RSRC1: variants seen among roughly 807,000 people sequenced by gnomAD.
RSRC1 encodes the protein serine/Arginine-related protein 53.
Under a neutral mutation model 49.1 loss-of-function variants are expected in RSRC1, and 39 were observed. The observed-to-expected ratio is 0.79, with a 90% confidence interval of 0.61 to 1.04. The LOEUF (loss-of-function observed/expected upper bound fraction) is 1.04, where lower values mean the gene tolerates loss of function less well. Ranked by LOEUF, RSRC1 falls within the 50% of genes least tolerant of loss-of-function variation. The pLI is 0.00. For synonymous variants in RSRC1, 143 were observed against 130.8 expected, an observed-to-expected ratio of 1.09 and a Z score of -0.63; for missense variants, 388 against 402.4, an observed-to-expected ratio of 0.96 and a Z score of 0.31.
At chr3:158,449,433 T>C (rs1027022585) in intron 6 of RSRC1, among the ~76,000 whole-genome samples, 2 of 151,916 alleles carry the variant, frequency 1.3e-5, no homozygotes, top group Non-Finnish European at 2.9e-5. Context: ...GTTAAATAAT[T>C]CTCTTTACTG....
intron 7 of RSRC1, among the ~76,000 whole-genome samples, chr3:158,511,451 C>T (rs1560070248): frequency 6.6e-6 from 1 of 152,158 alleles, no homozygotes; most frequent in Non-Finnish European, 1.5e-5. Flanking sequence ...AGGACATGAA[C>T]TCATCATTTT....
At chr3:158,294,350 A>G (rs1349616463) in intron 4 of RSRC1, among the ~76,000 whole-genome samples, 2 of 151,988 alleles carry the variant, frequency 1.3e-5, no homozygotes, top group Non-Finnish European at 2.9e-5. Context: ...AATACCCACT[A>G]TCATATATTG....
intron 6 of RSRC1, among the ~76,000 whole-genome samples, chr3:158,401,369 C>T (rs1733886257): frequency 6.6e-6 from 1 of 151,954 alleles, no homozygotes; most frequent in Admixed American, 6.6e-5. Context: ...TCTGTTTTTC[C>T]AGGCTAGCAT....
chr3:158,178,295 C>T (rs116054347), intron 3 of RSRC1, among the ~76,000 whole-genome samples: 160 of 152,080 alleles, frequency 1.1e-3, no homozygotes, highest in African/African-American at 3.4e-3. Flanking sequence ...CATGCCACCA[C>T]GCCCAGCAAA....
intron 6 of RSRC1, among the ~76,000 whole-genome samples, chr3:158,390,681 G>A (rs995188459): frequency 5.3e-5 from 8 of 152,114 alleles, no homozygotes; most frequent in Non-Finnish European, 1.0e-4. Context: ...AGGAAGTAGG[G>A]AGGTTAATTA....
Position 158,228,575 on chromosome 3 carries a change from G to C in RSRC1, c.494+25330G>C, listed in dbSNP as rs1722653707. On this transcript the variant is annotated intron_variant, in intron 4 of 9. Coordinates refer to ENST00000611884, the MANE Select transcript of RSRC1 (RefSeq NM_001271838.2). ...ATACCTGAATTCGACTATCATTATT[G>C]ATAAAATTCCTTAAAAAAAATTGAG... Among the ~76,000 whole-genome samples, 4 of 151,672 alleles carry C rather than the reference G, an allele frequency of 2.6e-5. No homozygotes were observed. In the South Asian group the frequency reaches 8.3e-4, roughly 32 times the overall value.
At chr3:158,402,683 T>C (rs752286289) in intron 6 of RSRC1, among the ~76,000 whole-genome samples, 1 of 151,852 alleles carries the variant, frequency 6.6e-6, no homozygotes, top group Non-Finnish European at 1.5e-5. Context: ...TAAACATTAA[T>C]ATAAGCTATT....
intron 7 of RSRC1, among the ~76,000 whole-genome samples, chr3:158,532,447 A>C (rs1202256893): frequency 6.6e-6 from 1 of 151,954 alleles, no homozygotes; most frequent in Non-Finnish European, 1.5e-5. Context: ...ACTAGTTTTA[A>C]AATTTGTATA....
At chr3:158,526,667 T>A (rs1026244954) in intron 7 of RSRC1, among the ~76,000 whole-genome samples, 1 of 152,016 alleles carries the variant, frequency 6.6e-6, no homozygotes, top group Non-Finnish European at 1.5e-5. Context: ...TGAACCCCAG[T>A]GTTTTTATTG....
Position 158,199,812 on chromosome 3 carries a change from G to A in RSRC1, c.321-3260G>A, listed in dbSNP as rs544568338. Among the ~76,000 whole-genome samples, 11 of 152,162 alleles carry A rather than the reference G, an allele frequency of 7.2e-5. No individual in the cohort carries two copies. In the South Asian group the frequency reaches 1.9e-3, roughly 26 times the overall value. On this transcript the variant is annotated intron_variant, in intron 3 of 9. Coordinates refer to ENST00000611884, the MANE Select transcript of RSRC1 (RefSeq NM_001271838.2). ...TGGATTATTTGGTTTCCATATATCT[G>A]GAGGTTTTCTGTATGTCTTATTGTT...
chr3:158,237,234 T>C (rs1723296214), intron 4 of RSRC1, among the ~76,000 whole-genome samples: 1 of 152,182 alleles, frequency 6.6e-6, no homozygotes, highest in South Asian at 2.1e-4. Context: ...GAGATGTGTT[T>C]AATATCTCAT....
At chr3:158,153,837 CT>C (rs1026957702) in intron 3 of RSRC1, among the ~76,000 whole-genome samples, 2 of 88,972 alleles carry the variant, frequency 2.2e-5, no homozygotes, top group Non-Finnish European at 4.4e-5. Flanking sequence ...GTATATAAAA[CT>C]TCTCTTTGTC....
intron 4 of RSRC1, among the ~76,000 whole-genome samples, chr3:158,234,317 A>C (rs1246041199): frequency 6.6e-6 from 1 of 152,176 alleles, no homozygotes; most frequent in Non-Finnish European, 1.5e-5. Context: ...TTTAAAGGTT[A>C]AACTGATAAT....
chr3:158,295,036 G>A (rs1727158527), intron 4 of RSRC1, among the ~76,000 whole-genome samples: 1 of 152,134 alleles, frequency 6.6e-6, no homozygotes, highest in African/African-American at 2.4e-5. Flanking sequence ...TCACTTCACT[G>A]GTGTAAGTAG....
At chr3:158,354,110 C>T (rs1731031170) in intron 5 of RSRC1, among the ~76,000 whole-genome samples, 1 of 150,202 alleles carries the variant, frequency 6.7e-6, no homozygotes, top group Admixed American at 6.7e-5. Flanking sequence ...CCTGCCTCAG[C>T]CTCCCAAGTA....
intron 7 of RSRC1, among the ~76,000 whole-genome samples, chr3:158,514,371 T>C (rs930015875): frequency 2.0e-5 from 3 of 152,250 alleles, no homozygotes; most frequent in Admixed American, 6.5e-5. Context: ...CATTTCGTTA[T>C]GTACCCAGCA....
chr3:158,516,806 T>G (rs1231066062), intron 7 of RSRC1, among the ~76,000 whole-genome samples: 1 of 152,198 alleles, frequency 6.6e-6, no homozygotes, highest in Non-Finnish European at 1.5e-5. Flanking sequence ...TGGTGCGCTA[T>G]TTTTTAAGCC....
At chr3:158,261,972 A>G (rs1043196639) in intron 4 of RSRC1, among the ~76,000 whole-genome samples, 6 of 152,158 alleles carry the variant, frequency 3.9e-5, no homozygotes, top group Non-Finnish European at 8.8e-5. Context: ...ACTCTGCAAC[A>G]CCTGCCCTCT....
chr3:158,244,452 T>C (rs900608247), intron 4 of RSRC1, among the ~76,000 whole-genome samples: 1 of 152,204 alleles, frequency 6.6e-6, no homozygotes, highest in African/African-American at 2.4e-5. Flanking sequence ...GAACCAGCCT[T>C]GCATGCCAGG....
Sources: allele counts gnomAD v4.1 joint callset (sites outside exome capture counted in the v4.1 genomes callset), GRCh38; gene constraint gnomAD v4.1.1; transcripts MANE v1.5; gene names NCBI Gene and HGNC (gene_info 2026-07-23, HGNC 2026-07-21).